The following SEC22C variants were observed in gnomAD, a reference collection of about 807,000 sequenced individuals.
SEC22C encodes the protein vesicle-trafficking protein SEC22c.
SEC22C carries 29 observed loss-of-function variants against 34.7 expected under a neutral mutation model. That is an observed-to-expected ratio of 0.84 (90% confidence interval 0.62 to 1.14). SEC22C has a LOEUF of 1.14. SEC22C is among the 50% of genes most tolerant of loss of function. SEC22C has a pLI of 0.00. For missense variants in SEC22C, 337 were observed against 369.0 expected, an observed-to-expected ratio of 0.91 and a Z score of 0.71; for synonymous variants, 117 against 132.8, an observed-to-expected ratio of 0.88 and a Z score of 0.82.
At chr3:42,596,858 CAAGAT>C (rs1330505908) in intron 1 of SEC22C, among the ~76,000 whole-genome samples, 4 of 152,134 alleles carry the variant, frequency 2.6e-5, no homozygotes, top group African/African-American at 7.2e-5. Context: ...GCTGGAATGT[CAAGAT>C]AAGAATGAAT....
chr3:42,576,162 T>C (rs6793102), intron 1 of SEC22C, among the ~76,000 whole-genome samples: 29,996 of 151,864 alleles, frequency 0.2, 3,662 homozygotes, highest in Non-Finnish European at 0.27. Context: ...TTGAACTAGA[T>C]GAAAATGAAA....
chr3:42,598,051 T>C (rs976991080), intron 1 of SEC22C, among the ~76,000 whole-genome samples: 1 of 152,226 alleles, frequency 6.6e-6, no homozygotes, highest in African/African-American at 2.4e-5. Flanking sequence ...AATTAGCTTA[T>C]GATCCAGTGA....
chr3:42,589,411 T>C (rs1324464265), intron 1 of SEC22C, among the ~76,000 whole-genome samples: 1 of 152,126 alleles, frequency 6.6e-6, no homozygotes, highest in Admixed American at 6.5e-5. Flanking sequence ...TCTAGGGACC[T>C]CCCCTTTTTA....
chr3:42,590,836 C>T (rs1704797686), intron 1 of SEC22C: 1 of 1,552,358 alleles, frequency 6.4e-7, no homozygotes, highest in Non-Finnish European at 8.9e-7. Context: ...ACTTCGAGAG[C>T]GTAGGCCCCA....
intron 2 of SEC22C, chr3:42,566,821 T>C (rs1703278262): frequency 2.4e-6 from 1 of 425,240 alleles, no homozygotes; most frequent in Non-Finnish European, 4.8e-6. Context: ...CTGGGCAACA[T>C]GGCAAGACCT....
chr3:42,551,136 T>C lies in SEC22C; in HGVS notation c.*2112A>G, dbSNP rs1363401888. 14 of 985,324 alleles carry C rather than the reference T, an allele frequency of 1.4e-5. No homozygotes were observed. The highest frequency in any genetic ancestry group is 1.4e-4 in the South Asian group (3 of 21,280). The allele number at this position is 985,324 out of a possible 1,614,324, so 61.0% of individuals were successfully genotyped here. On this transcript the variant is annotated 3_prime_UTR_variant, in exon 7 of 7. Transcript: ENST00000264454. ...CCCACCTCAGCTTCCCAAAGTGTTA[T>C]TGACTTTTAAAGCTTTTTTGTTCTT...
At chr3:42,566,887 A>G in intron 2 of SEC22C, 1 of 300,206 alleles carries the variant, frequency 3.3e-6, no homozygotes, top group South Asian at 2.7e-5. Context: ...AGACTCAGCT[A>G]CTTGGGAGGC....
intron 1 of SEC22C, among the ~76,000 whole-genome samples, chr3:42,597,907 A>G (rs1169128633): frequency 6.6e-6 from 1 of 152,262 alleles, no homozygotes; most frequent in African/African-American, 2.4e-5. Flanking sequence ...TAGGATGGCA[A>G]TAAAGAAAAC....
At chr3:42,553,553 A>C in intron 6 of SEC22C, 105 bp from the exon 7 acceptor site, 1 of 1,456,504 alleles carries the variant, frequency 6.9e-7, no homozygotes, top group Non-Finnish European at 9.1e-7. Context: ...CATTTCTCTC[A>C]CATTAGCTGA....
At chr3:42,564,666 T>C (rs962247650) in intron 2 of SEC22C, among the ~76,000 whole-genome samples, 2 of 152,210 alleles carry the variant, frequency 1.3e-5, no homozygotes, top group African/African-American at 4.8e-5. Flanking sequence ...TAGAGGTGAG[T>C]TACCCTGTAT....
At position 42,548,224 on chromosome 3, in the gene SEC22C, C is replaced by A; in HGVS notation, c.*5024G>T. 1 of 183,240 alleles carries A rather than the reference C, an allele frequency of 5.5e-6. No homozygotes were observed. The highest frequency in any genetic ancestry group is 1.1e-5 in the Non-Finnish European group (1 of 88,288). The allele number at this position is 183,240 out of a possible 1,614,324, so 11.4% of individuals were successfully genotyped here. On this transcript the variant is annotated 3_prime_UTR_variant, in exon 7 of 7. Transcript: ENST00000264454. ...ATGGTTTTGCCCTGACTAAATCAGCCTCAGTATTTTATGCTTTTAGTAGAA... is the reference window on the plus strand; with the variant it reads ...ATGGTTTTGCCCTGACTAAATCAGCATCAGTATTTTATGCTTTTAGTAGAA...
chr3:42,556,135 T>A (rs1006427472), intron 5 of SEC22C, 140 bp from the exon 6 acceptor site: 5 of 649,578 alleles, frequency 7.7e-6, no homozygotes, highest in Non-Finnish European at 1.4e-5. Flanking sequence ...AAGTTCCTGT[T>A]TATGCACCAG....
At chr3:42,574,580 G>A (rs1703847026) in intron 1 of SEC22C, among the ~76,000 whole-genome samples, 1 of 152,056 alleles carries the variant, frequency 6.6e-6, no homozygotes, top group Non-Finnish European at 1.5e-5. Context: ...TATGTTCGGT[G>A]AATGAAGCAA....
intron 1 of SEC22C, among the ~76,000 whole-genome samples, chr3:42,573,108 T>C (rs1703745307): frequency 6.6e-6 from 1 of 152,008 alleles, no homozygotes; most frequent in Non-Finnish European, 1.5e-5. Context: ...CACCTCGGCC[T>C]CTCAAAGTGG....
intron 1 of SEC22C, chr3:42,579,617 AAAAAGAAAAGAAAAAAG>A (rs1446462097): frequency 2.0e-5 from 3 of 152,280 alleles, no homozygotes; most frequent in Non-Finnish European, 4.4e-5. Flanking sequence ...CAAAAAAAAA[AAAAAGAAAAGAAAAAAG>A]AAAAGAAAAG....
Position 42,561,301 on chromosome 3 carries a change from A to C in SEC22C, c.347-5T>G. On this transcript the variant is annotated splice_region_variant and splice_polypyrimidine_tract_variant and intron_variant, in intron 3 of 6. Coordinates refer to ENST00000264454, the MANE Select transcript of SEC22C (RefSeq NM_032970.4). ...TCACTTTCTGAATGATGCTGTCTGC[A>C]AAAAGAGAGCAACACAAGTTAAGCA... 6.2e-7 allele frequency: 1 copy of C among 1,613,584 alleles called. No homozygotes were observed. Among genetic ancestry groups the C allele is most frequent in the Non-Finnish European group, 8.5e-7 (1 of 1,179,486 alleles).
chr3:42,554,641 G>C (rs989760333), intron 6 of SEC22C, among the ~76,000 whole-genome samples: 3 of 152,034 alleles, frequency 2.0e-5, no homozygotes, highest in South Asian at 4.1e-4. Context: ...CACCTGGCCT[G>C]GGTAATTCTT....
chr3:42,574,283 C>G (rs936400225), intron 1 of SEC22C, among the ~76,000 whole-genome samples: 1 of 147,840 alleles, frequency 6.8e-6, no homozygotes, highest in Non-Finnish European at 1.5e-5. Flanking sequence ...GGTGCAGTGG[C>G]ATGTGTCTGT....
At chr3:42,584,382 G>A (rs1019318005), upstream of SEC22C, among the ~76,000 whole-genome samples, 1 of 152,156 alleles carries the variant, frequency 6.6e-6, no homozygotes. Flanking sequence ...AGCCTCCCAA[G>A]TAGCTGGGAT....
Sources: gnomAD v4.1 joint callset for allele counts (sites outside exome capture counted in the v4.1 genomes callset) on GRCh38, gnomAD v4.1.1 for gene constraint, MANE v1.5 for transcripts, NCBI Gene and HGNC (gene_info 2026-07-23, HGNC 2026-07-21) for gene names.